ZNF836: variants seen among roughly 807,000 people sequenced by gnomAD.
ZNF836 encodes zinc finger protein 836.
A neutral mutation model predicts 7.4 loss-of-function variants in ZNF836; 12 were observed. That is an observed-to-expected ratio of 1.61 (90% CI 1.03 to 2.61). The LOEUF (loss-of-function observed/expected upper bound fraction) is 2.61. Among genes scored for constraint, ZNF836 ranks in the 30% most tolerant of loss-of-function variants. The pLI, the probability that ZNF836 is intolerant of heterozygous loss-of-function variation, is 0.00. For synonymous variants in ZNF836, 365 were observed against 382.6 expected (o/e 0.95, Z 0.54); for missense variants, 998 against 1,126.2 (o/e 0.89, Z 1.63).
chr19:52,168,134 A>G lies in ZNF836; in HGVS notation c.-62T>C. 6.3e-7 allele frequency: 1 copy of G among 1,580,110 alleles called. No homozygotes were observed. ...GGCTTCTCTCTCAGTCAATATAATTAATTCTTTACAAGTCAAATCTGAAAG... is the reference window on the plus strand; with the variant it reads ...GGCTTCTCTCTCAGTCAATATAATTGATTCTTTACAAGTCAAATCTGAAAG... On this transcript the variant is annotated 5_prime_UTR_variant, in exon 3 of 5. Coordinates refer to ENST00000682614, the MANE Select transcript of ZNF836 (RefSeq NM_001102657.3).
At position 52,155,547 on chromosome 19, in the gene ZNF836, A is replaced by G. The variant is rs2089146067; in HGVS notation, c.2136T>C (p.Tyr712=). 1 of 1,613,980 alleles carries G rather than the reference A, an allele frequency of 6.2e-7. No homozygotes were observed. The highest frequency in any genetic ancestry group is 2.2e-5 in the East Asian group (1 of 44,892). Residue 712 remains tyrosine, a synonymous_variant, in exon 5 of 5, where the codon TAT becomes TAC. Coordinates refer to ENST00000682614, the MANE Select transcript of ZNF836 (RefSeq NM_001102657.3). ...AFIQSSKLAR[Y]HRNPTGEKPH... is the part of the protein sequence containing the mutation. ...GTTTCTCCCCAGTAGGATTTCTGTGATATCTTGCAAGTTTTGAACTTTGGA... is the reference window on the plus strand; with the variant it reads ...GTTTCTCCCCAGTAGGATTTCTGTGGTATCTTGCAAGTTTTGAACTTTGGA...
chr19:52,170,452 A>G (rs2089298846), intron 1 of ZNF836: 1 of 151,710 alleles, frequency 6.6e-6, no homozygotes, highest in Non-Finnish European at 1.5e-5. Flanking sequence ...CTTGTCACCC[A>G]CTGCCCTCTC....
At chr19:52,160,186 TAAAAAAA>T in intron 4 of ZNF836, 5 of 369,446 alleles carry the variant, frequency 1.4e-5, no homozygotes, top group South Asian at 1.2e-4. Context: ...CTGTCTCCAT[TAAAAAAA>T]AAAAAAAAAA....
chr19:52,155,632 T>C lies in ZNF836; in HGVS notation c.2051A>G (p.His684Arg), dbSNP rs1356892421. The C allele has an allele frequency of 6.2e-7, 1 of 1,614,180 alleles. No homozygotes were observed. Among genetic ancestry groups the C allele is most frequent in the East Asian group, 2.2e-5 (1 of 44,874 alleles). Residue 684 changes from histidine (H) to arginine (R), a missense_variant, in exon 5 of 5, where the codon CAT becomes CGT. Physicochemically the swap from His to Arg is conservative, Grantham distance 29. Transcript: ENST00000682614. The stretch of plus-strand genomic sequence containing the variant: ...TTTCTCTCCAGTATGAATTATCAGA[T>C]GTTTAGTGAGGCTTGAACGCTGAGT... The part of the protein sequence containing the change: ...AYTQRSSLTK[H>R]LIIHTGEKPY...
At position 52,156,757 on chromosome 19, in the gene ZNF836, T is replaced by A; in HGVS notation, c.926A>T (p.Lys309Met). Residue 309 changes from lysine to methionine, a missense_variant, in exon 5 of 5, where the codon AAG becomes ATG. Lys to Met is a moderately conservative substitution (Grantham distance 95). Transcript: ENST00000682614. ...EKPYKCNECG[K>M]SFSQSYNLAI... The stretch of plus-strand genomic sequence containing the variant: ...AAGGTTATAACTTTGACTAAAGGAC[T>A]TGCCACATTCATTACATTTGTACGG... 1 of 1,607,446 alleles carries A rather than the reference T, an allele frequency of 6.2e-7. No homozygotes were observed. Among genetic ancestry groups the A allele is most frequent in the East Asian group, 2.2e-5 (1 of 44,516 alleles).
chr19:52,164,449 AAAGGAAGG>A lies in ZNF836; in HGVS notation c.15+3601_15+3608del, dbSNP rs59942431. On this transcript the variant is annotated intron_variant, in intron 3 of 4. Coordinates refer to ENST00000682614, the MANE Select transcript of ZNF836 (RefSeq NM_001102657.3). ...AGGGAGGGAGAGAGAGAGAGAGAGA[AAAGGAAGG>A]AAGGAAGGAAGGAAGGAAGGAAAGA... is the stretch of plus-strand genomic sequence containing the variant. 5.7e-3 allele frequency among the ~76,000 whole-genome samples: 783 copies of A among 137,266 alleles called. 8 individuals are homozygous for A. Among genetic ancestry groups the A allele is most frequent in the African/African-American group, 0.021 (721 of 34,996 alleles). The allele number at this position is 137,266 out of a possible 152,430, so 90.1% of individuals were successfully genotyped here.
chr19:52,159,167 C>T (rs1014772600), intron 4 of ZNF836, among the ~76,000 whole-genome samples: 11 of 152,072 alleles, frequency 7.2e-5, no homozygotes, highest in African/African-American at 2.4e-4. Context: ...TCTGCTATAC[C>T]TAACCACATT....
chr19:52,159,272 T>C (rs774869550), intron 4 of ZNF836, among the ~76,000 whole-genome samples: 1 of 152,172 alleles, frequency 6.6e-6, no homozygotes, highest in African/African-American at 2.4e-5. Flanking sequence ...CTATAAAACA[T>C]GCAATATTCT....
chr19:52,165,144 G>C (rs1186958214), intron 3 of ZNF836: 1 of 152,144 alleles, frequency 6.6e-6, no homozygotes, highest in African/African-American at 2.4e-5. Context: ...AGATCTAAAA[G>C]AAACATAGTA....
chr19:52,160,756 A>T, intron 3 of ZNF836, 165 bp from the exon 4 acceptor site: 1 of 775,384 alleles, frequency 1.3e-6, no homozygotes, highest in Non-Finnish European at 2.0e-6. Flanking sequence ...TTTGTTTTAA[A>T]ATTCAATAGA....
Position 52,155,312 on chromosome 19 carries a change from A to C in ZNF836, c.2371T>G (p.Ser791Ala), listed in dbSNP as rs377418573. 9.3e-6 allele frequency: 15 copies of C among 1,614,162 alleles called. No homozygotes were observed. Among genetic ancestry groups the C allele is most frequent in the Non-Finnish European group, 1.3e-5 (15 of 1,180,022 alleles). The change falls in exon 5 of 5, where the codon TCA (serine) becomes GCA (alanine). Residue 791 changes from serine to alanine, a missense_variant. Physicochemically the swap from Ser to Ala is moderately conservative, Grantham distance 99. Coordinates refer to ENST00000682614, the MANE Select transcript of ZNF836 (RefSeq NM_001102657.3). ...ATACTCCGATGACGTGCTAGTGTTGATTGATGACGAAAGACCTTGCCACAT... is the reference window on the plus strand; with the variant it reads ...ATACTCCGATGACGTGCTAGTGTTGCTTGATGACGAAAGACCTTGCCACAT... ...NECGKVFRHQ[S>A]TLARHRSIHT...
chr19:52,154,206 A>AC lies in ZNF836; in HGVS notation c.*665_*666insG. Reference sequence around the variant, plus strand: ...GCTGGGATTACAGGCATGCATCACCATGCCTGGCTAATGTTTATATTTTAG... The same window carrying AC: ...GCTGGGATTACAGGCATGCATCACCACTGCCTGGCTAATGTTTATATTTTAG... On this transcript the variant is annotated 3_prime_UTR_variant, in exon 5 of 5. Coordinates refer to ENST00000682614, the MANE Select transcript of ZNF836 (RefSeq NM_001102657.3). 1.3e-5 allele frequency: 2 copies of AC among 151,998 alleles called. No homozygotes were observed. The highest frequency in any genetic ancestry group is 2.9e-5 in the Non-Finnish European group (2 of 68,066). The allele number at this position is 151,998 out of a possible 1,614,324, so 9.4% of individuals were successfully genotyped here. A position where few individuals can be genotyped will look rare whatever the true frequency, so the allele number is the denominator to read the frequency against.
intron 3 of ZNF836, chr19:52,165,386 C>T (rs1357423635): frequency 6.6e-6 from 1 of 152,166 alleles, no homozygotes; most frequent in Non-Finnish European, 1.5e-5. Flanking sequence ...CATTTAGGCA[C>T]TGCTCCAAAG....
rs1248577011 is a variant in ZNF836, at chr19:52,156,214, C to A, written c.1469G>T (p.Arg490Ile). The change falls in exon 5 of 5, where the codon AGA (arginine) becomes ATA (isoleucine). Residue 490 changes from arginine (R) to isoleucine (I), a missense_variant. Arg to Ile is a moderately conservative substitution (Grantham distance 97, BLOSUM62 -3). Coordinates refer to ENST00000682614, the MANE Select transcript of ZNF836 (RefSeq NM_001102657.3). ...SQTSHLVGHR[R>I]IHTGEKPYKC... ...GTAAGGTTTCTCTCCAGTATGAATT[C>A]TCCGATGCCCCACAAGATGTGAAGT... 1 of 1,614,182 alleles carries A rather than the reference C, an allele frequency of 6.2e-7. No individual in the cohort carries two copies. The highest frequency in any genetic ancestry group is 1.7e-5 in the Admixed American group (1 of 60,022).
In ZNF836 at chr19:52,157,069, G is replaced by T; in HGVS notation, c.614C>A (p.Pro205His). The part of the protein sequence containing the change: ...YENEFLQLSL[P>H]TQLEKTHIRE... ...AATGTGTGTTTTCTCAAGTTGGGTG[G>T]GTAATGACAGCTGCAAAAACTCATT... is the stretch of plus-strand genomic sequence containing the variant. Residue 205 changes from proline to histidine, a missense_variant, in exon 5 of 5, where the codon CCC becomes CAC. Transcript: ENST00000682614. 6.2e-7 allele frequency: 1 copy of T among 1,613,900 alleles called. No homozygotes were observed. The highest frequency in any genetic ancestry group is 8.5e-7 in the Non-Finnish European group (1 of 1,179,864).
intron 2 of ZNF836, among the ~76,000 whole-genome samples, chr19:52,168,810 C>T (rs938531105): frequency 6.6e-6 from 1 of 152,008 alleles, no homozygotes; most frequent in African/African-American, 2.4e-5. Flanking sequence ...CTGCTATTTG[C>T]AACAACATGG....
chr19:52,155,795 T>C lies in ZNF836; in HGVS notation c.1888A>G (p.Arg630Gly). ...AACGGCTTCTCTCCAGTATGAATTC[T>C]CTTATGATTTGAAAGGTTTCCACTG... Reference protein sequence around the residue: ...NDSGNLSNHKRIHTGEKPFQC... With the variant: ...NDSGNLSNHKGIHTGEKPFQC... The change falls in exon 5 of 5, where the codon AGA (arginine) becomes GGA (glycine). Residue 630 changes from arginine to glycine, a missense_variant. Coordinates refer to ENST00000682614, the MANE Select transcript of ZNF836 (RefSeq NM_001102657.3). The C allele has an allele frequency of 6.2e-7, 1 of 1,614,058 alleles. No individual in the cohort carries two copies. The highest frequency in any genetic ancestry group is 2.2e-5 in the East Asian group (1 of 44,884).
Position 52,157,470 on chromosome 19 carries a change from T to C in ZNF836, c.213A>G (p.Gln71=). 6.3e-7 allele frequency: 1 copy of C among 1,590,800 alleles called. No individual in the cohort carries two copies. The highest frequency in any genetic ancestry group is 8.5e-7 in the Non-Finnish European group (1 of 1,172,534). ...ATTCATGTCTTTCCAGCGTCACTGTTTGGCATTTTTCTCCTGTATTACTGT... is the reference window on the plus strand; with the variant it reads ...ATTCATGTCTTTCCAGCGTCACTGTCTGGCATTTTTCTCCTGTATTACTGT... ...IGNSNTGEKC[Q]TVTLERHECY... The change falls in exon 5 of 5, where the codon CAA becomes CAG. Residue 71 remains glutamine, a synonymous_variant. Coordinates refer to ENST00000682614, the MANE Select transcript of ZNF836 (RefSeq NM_001102657.3).
rs1437651520 is a variant in ZNF836, at chr19:52,155,706, A to G, written c.1977T>C (p.Ile659=). The G allele has an allele frequency of 6.2e-7, 1 of 1,614,132 alleles. No individual in the cohort carries two copies. The highest frequency in any genetic ancestry group is 8.5e-7 in the Non-Finnish European group (1 of 1,180,006). Residue 659 remains isoleucine, a synonymous_variant, in exon 5 of 5, where the codon ATT becomes ATC. Coordinates refer to ENST00000682614, the MANE Select transcript of ZNF836 (RefSeq NM_001102657.3). ...ATTTGTAAGGTTTCTCTCCGGTATG[A>G]ATTTTCCGATGACGTGCTAGGCATG... ...YYSCLARHRK[I]HTGEKPYKCN...
Sources: gnomAD v4.1 joint callset for allele counts (sites outside exome capture counted in the v4.1 genomes callset) on GRCh38, gnomAD v4.1.1 for gene constraint, MANE v1.5 for transcripts, NCBI Gene and HGNC (gene_info 2026-07-23, HGNC 2026-07-21) for gene names.